HIPK2: variants seen among roughly 807,000 people sequenced by gnomAD.
The protein encoded by HIPK2 is homeodomain interacting protein kinase 2.
A neutral mutation model predicts 113.7 loss-of-function variants in HIPK2; 27 were observed. The observed-to-expected ratio is 0.24, with a 90% confidence interval of 0.17 to 0.33. The LOEUF (loss-of-function observed/expected upper bound fraction) is 0.33. Ranked by LOEUF, HIPK2 falls within the 10% of genes least tolerant of loss-of-function variation. The probability of loss-of-function intolerance (pLI) is 1.00; values close to 1 mark genes in which losing one functional copy is unlikely to be tolerated. For synonymous variants in HIPK2, 631 were observed against 642.2 expected, an observed-to-expected ratio of 0.98 and a Z score of 0.26; for missense variants, 1,257 against 1,588.0, an observed-to-expected ratio of 0.79 and a Z score of 3.54.
At chr7:139,690,117 C>G (rs1794354989) in intron 2 of HIPK2, among the ~76,000 whole-genome samples, 1 of 152,040 alleles carries the variant, frequency 6.6e-6, no homozygotes, top group Admixed American at 6.5e-5. Context: ...TAAAGGGATG[C>G]CAGGGGAAAG....
chr7:139,597,254 G>A (rs1460357259), intron 11 of HIPK2, among the ~76,000 whole-genome samples: 1 of 152,194 alleles, frequency 6.6e-6, no homozygotes, highest in Non-Finnish European at 1.5e-5. Context: ...TTTCGGAGCA[G>A]GGAGGGGGCT....
intron 2 of HIPK2, among the ~76,000 whole-genome samples, chr7:139,706,934 T>C (rs1794916567): frequency 6.6e-6 from 1 of 152,222 alleles, no homozygotes; most frequent in Non-Finnish European, 1.5e-5. Flanking sequence ...GCTTTTCTGC[T>C]TCAGAGCCAC....
rs1447293531 is a variant in HIPK2, at chr7:139,571,650, A to G, written c.*1277T>C. 6.6e-6 allele frequency: 1 copy of G among 152,140 alleles called. No individual in the cohort carries two copies. Among genetic ancestry groups the G allele is most frequent in the Non-Finnish European group, 1.5e-5 (1 of 68,016 alleles). The allele number at this position is 152,140 out of a possible 1,614,324, so 9.4% of individuals were successfully genotyped here. A position where few individuals can be genotyped will look rare whatever the true frequency, so the allele number is the denominator to read the frequency against. ...AAAGACAACGGGCATTAACATTTTAAAAAGAAAAAGAAAAAGAAAAAAAAA... is the reference window on the plus strand; with the variant it reads ...AAAGACAACGGGCATTAACATTTTAGAAAGAAAAAGAAAAAGAAAAAAAAA... On this transcript the variant is annotated 3_prime_UTR_variant, in exon 15 of 15. Transcript: ENST00000406875.
intron 1 of HIPK2, among the ~76,000 whole-genome samples, chr7:139,717,782 T>A (rs1332727536): frequency 6.6e-6 from 1 of 152,206 alleles, no homozygotes. Flanking sequence ...CTCGCTCTTG[T>A]CACCCAGGCT....
intron 2 of HIPK2, among the ~76,000 whole-genome samples, chr7:139,641,779 G>A (rs192700323): frequency 2.9e-3 from 439 of 152,330 alleles, no homozygotes; most frequent in Middle Eastern, 6.8e-3. Flanking sequence ...CAGAGTCAAT[G>A]TCTTGCTCAT....
chr7:139,634,109 CAA>C (rs57278111), intron 2 of HIPK2, among the ~76,000 whole-genome samples: 1,440 of 137,154 alleles, frequency 0.01, 24 homozygotes, highest in African/African-American at 0.036. Context: ...GACCCTGTCT[CAA>C]AAAAAAAAAA....
chr7:139,741,812 C>T (rs553476272), intron 1 of HIPK2, among the ~76,000 whole-genome samples: 239 of 152,282 alleles, frequency 1.6e-3, no homozygotes, highest in South Asian at 3.1e-3. Context: ...TAATATGGTT[C>T]GTCTTTTGAA....
intron 2 of HIPK2, among the ~76,000 whole-genome samples, chr7:139,707,996 G>A (rs1324746106): frequency 6.6e-6 from 1 of 151,946 alleles, no homozygotes; most frequent in Non-Finnish European, 1.5e-5. Flanking sequence ...CTCTTCTGTT[G>A]CCACCCCTGG....
rs148150055 is a variant in HIPK2, at chr7:139,670,614, AAT to A, written c.1104-38891_1104-38890del. Among the ~76,000 whole-genome samples the A allele has an allele frequency of 7.1e-3, 1,079 of 151,818 alleles. 17 individuals are homozygous for A. Among genetic ancestry groups the A allele is most frequent in the African/African-American group, 0.025 (1,031 of 41,322 alleles). On this transcript the variant is annotated intron_variant, in intron 2 of 14. Coordinates refer to ENST00000406875, the MANE Select transcript of HIPK2 (RefSeq NM_022740.5). ...AAAAGAACAAAAAAAGTGAAGGAAA[AAT>A]AAAAAAAAATGGTGTAATTATTTGA... is the stretch of plus-strand genomic sequence containing the variant.
intron 12 of HIPK2, among the ~76,000 whole-genome samples, chr7:139,589,645 G>A (rs1798950982): frequency 6.6e-6 from 1 of 152,212 alleles, no homozygotes; most frequent in South Asian, 2.1e-4. Context: ...TTTCTGGCAT[G>A]AGTCTTGTGA....
intron 2 of HIPK2, among the ~76,000 whole-genome samples, chr7:139,632,227 T>TTGATCATGCCTGTGAATC (rs1800642550): frequency 1.3e-5 from 2 of 152,188 alleles, no homozygotes; most frequent in Admixed American, 6.5e-5. Flanking sequence ...CATAGCTCGC[T>TTGATCATGCCTGTGAATC]ATAGTCTTGA....
chr7:139,769,086 T>A lies in HIPK2; in HGVS notation c.19+8519A>T, dbSNP rs146285514. Among the ~76,000 whole-genome samples, 77 of 152,278 alleles carry A rather than the reference T, an allele frequency of 5.1e-4. No individual in the cohort carries two copies. The East Asian group carries it at 0.011, about 22-fold the overall frequency. On this transcript the variant is annotated intron_variant, in intron 1 of 14. Coordinates refer to ENST00000406875, the MANE Select transcript of HIPK2 (RefSeq NM_022740.5). The stretch of plus-strand genomic sequence containing the variant: ...AAACAGAACATCATGGTATTGCCAA[T>A]CCCAGCAAGTTTTCCTGATCCTAGA...
At position 139,631,371 on chromosome 7, in the gene HIPK2, T is replaced by C. The variant is rs1415359059; in HGVS notation, c.1228-87A>G. 3 of 1,467,232 alleles carry C rather than the reference T, an allele frequency of 2.0e-6. No individual in the cohort carries two copies. 90.9% of individuals were successfully genotyped at this position (1,467,232 alleles called of 1,614,324 possible). On this transcript the variant is annotated intron_variant, in intron 3 of 14. Coordinates refer to ENST00000406875, the MANE Select transcript of HIPK2 (RefSeq NM_022740.5). The surrounding 1 kb of genome is among the most constrained non-coding windows in gnomAD (Gnocchi z 4.9). ...ATGGCTCTGCTGGCTTTGAGAAAAA[T>C]GAAAATGACAATTTTTGTAGGGAAA... is the stretch of plus-strand genomic sequence containing the variant.
At chr7:139,747,126 G>T (rs1293458326) in intron 1 of HIPK2, among the ~76,000 whole-genome samples, 2 of 152,112 alleles carry the variant, frequency 1.3e-5, no homozygotes, top group East Asian at 3.9e-4. Flanking sequence ...CCCAGTTGGG[G>T]TTCCATCTCA....
intron 1 of HIPK2, among the ~76,000 whole-genome samples, chr7:139,750,342 C>G (rs757326349): frequency 2.6e-5 from 4 of 152,302 alleles, no homozygotes; most frequent in Non-Finnish European, 5.9e-5. Flanking sequence ...CTTACCAGGT[C>G]GATTCCTAAA....
chr7:139,730,991 C>T (rs1312515818), intron 1 of HIPK2, among the ~76,000 whole-genome samples: 1 of 152,208 alleles, frequency 6.6e-6, no homozygotes, highest in African/African-American at 2.4e-5. Flanking sequence ...GGGGATTTAC[C>T]TGGAGTCTTC....
intron 2 of HIPK2, among the ~76,000 whole-genome samples, chr7:139,659,581 C>T (rs1801797698): frequency 6.6e-6 from 1 of 152,228 alleles, no homozygotes; most frequent in Non-Finnish European, 1.5e-5. Context: ...TCACTGTCAC[C>T]TCTGCTGTTG....
rs1585403113 is a variant in HIPK2 at position 139,708,117 on chromosome 7, A to C, written c.1103+7815T>G. Among the ~76,000 whole-genome samples the C allele has an allele frequency of 2.0e-5, 3 of 151,792 alleles. No homozygotes were observed. In the South Asian group the frequency reaches 6.3e-4, roughly 32 times the overall value. On this transcript the variant is annotated intron_variant, in intron 2 of 14. Transcript: ENST00000406875. ...AATGCCAGGCTGTCATGCCGGCCGC[A>C]CCCTCTCACCTCCACAGGGTCTACA... is the stretch of plus-strand genomic sequence containing the variant.
At chr7:139,597,114 T>C in intron 11 of HIPK2, 116 bp from the exon 12 acceptor site, 2 of 1,134,674 alleles carry the variant, frequency 1.8e-6, no homozygotes, top group Non-Finnish European at 2.5e-6. Flanking sequence ...AACACGTCAG[T>C]GGCTGCCCAA....
Sources: gnomAD v4.1 joint callset for allele counts (sites outside exome capture counted in the v4.1 genomes callset) on GRCh38, gnomAD v4.1.1 for gene constraint, Gnocchi (gnomAD v3.1) non-coding constraint, MANE v1.5 for transcripts, NCBI Gene and HGNC (gene_info 2026-07-23, HGNC 2026-07-21) for gene names.